TNN: variants seen among roughly 807,000 people sequenced by gnomAD.
TNN encodes tenascin-N.
In TNN, 122 loss-of-function variants were observed where a neutral mutation model predicts 134.4. The ratio of observed to expected loss-of-function variants is 0.91; its 90% CI spans 0.78 to 1.06. The LOEUF (loss-of-function observed/expected upper bound fraction) is 1.06. Ranked by LOEUF, TNN falls within the 50% of genes least tolerant of loss-of-function variation. The pLI is 0.00. For synonymous variants in TNN, 710 were observed against 670.3 expected (o/e 1.06, Z -0.91); for missense variants, 1,739 against 1,699.4 (o/e 1.02, Z -0.41).
chr1:175,120,505 T>G (rs944551383), intron 11 of TNN, among the ~76,000 whole-genome samples: 2 of 152,316 alleles, frequency 1.3e-5, no homozygotes, highest in South Asian at 2.1e-4. Context: ...GACCCAGGCT[T>G]CTTCTGTGAT....
At chr1:175,117,401 C>T (rs1356395072) in intron 10 of TNN, among the ~76,000 whole-genome samples, 196 bp downstream of exon 10, 3 of 152,190 alleles carry the variant, frequency 2.0e-5, no homozygotes, top group Non-Finnish European at 4.4e-5. Context: ...GGCCACAAGG[C>T]AGTCTCCAAG....
At chr1:175,115,615 T>C (rs1296702509) in intron 9 of TNN, among the ~76,000 whole-genome samples, 2 of 151,910 alleles carry the variant, frequency 1.3e-5, no homozygotes, top group East Asian at 3.9e-4. Context: ...GATGAAGGGG[T>C]GAATGGCTAC....
chr1:175,107,067 G>A (rs964710761), intron 9 of TNN, among the ~76,000 whole-genome samples: 10 of 146,330 alleles, frequency 6.8e-5, no homozygotes, highest in Middle Eastern at 3.2e-3. Context: ...TTGTCTCACC[G>A]CTTGGCGATA....
intron 1 of TNN, among the ~76,000 whole-genome samples, chr1:175,073,929 G>A (rs953866690): frequency 5.3e-5 from 8 of 152,094 alleles, no homozygotes; most frequent in African/African-American, 1.9e-4. Context: ...ACCTCAGCTC[G>A]GGCCCTGAAC....
intron 17 of TNN, among the ~76,000 whole-genome samples, chr1:175,143,191 G>C (rs974013970): frequency 1.3e-5 from 2 of 152,178 alleles, no homozygotes; most frequent in Non-Finnish European, 2.9e-5. Context: ...ACGGGACTAA[G>C]AGCTGCCCTG....
chr1:175,090,306 G>A (rs926402716), intron 6 of TNN, among the ~76,000 whole-genome samples: 3 of 152,154 alleles, frequency 2.0e-5, no homozygotes, highest in Non-Finnish European at 4.4e-5. Flanking sequence ...TTCTACAAAC[G>A]ATGCCTTTTG....
intron 15 of TNN, among the ~76,000 whole-genome samples, chr1:175,129,495 C>A (rs942853357): frequency 6.6e-6 from 1 of 151,292 alleles, no homozygotes; most frequent in Admixed American, 6.6e-5. Context: ...CTTGGTTAGA[C>A]TAAGGCTGAT....
In TNN at chr1:175,136,863, G is replaced by A. The variant is rs147711632; in HGVS notation, c.3470G>A (p.Arg1157Gln). 6.2e-6 allele frequency: 10 copies of A among 1,613,994 alleles called. No homozygotes were observed. The highest frequency in any genetic ancestry group is 2.7e-5 in the African/African-American group (2 of 74,910). Residue 1157 changes from arginine (R) to glutamine (Q), a missense_variant, in exon 17 of 19, where the codon CGG becomes CAG. Coordinates refer to ENST00000239462, the MANE Select transcript of TNN (RefSeq NM_022093.2). ...AACCTCACCACCGGCACTCCAGCGC[G>A]GTATGAGGTGAGAGTGGATTTACAG... is the stretch of plus-strand genomic sequence containing the variant. The part of the protein sequence containing the change: ...LHNLTTGTPA[R>Q]YEVRVDLQTA...
intron 4 of TNN, among the ~76,000 whole-genome samples, chr1:175,083,403 C>A (rs1189569148): frequency 6.6e-6 from 1 of 152,200 alleles, no homozygotes; most frequent in Admixed American, 6.5e-5. Context: ...TAGTTCAGGG[C>A]TGTAGCTGTC....
chr1:175,145,068 A>G (rs1676030883), intron 18 of TNN, among the ~76,000 whole-genome samples: 1 of 152,050 alleles, frequency 6.6e-6, no homozygotes, highest in Non-Finnish European at 1.5e-5. Context: ...ATATAGGGGC[A>G]TATGTCCCAT....
chr1:175,088,527 A>T (rs1674370491), intron 6 of TNN, among the ~76,000 whole-genome samples: 2 of 152,162 alleles, frequency 1.3e-5, no homozygotes, highest in Admixed American at 6.5e-5. Context: ...CTGAGGAGGA[A>T]GCATAATGCT....
intron 17 of TNN, among the ~76,000 whole-genome samples, chr1:175,142,957 CTGG>C (rs1425493060): frequency 6.6e-6 from 1 of 152,164 alleles, no homozygotes; most frequent in Non-Finnish European, 1.5e-5. Flanking sequence ...GTGGATGCTG[CTGG>C]TCTGGGAACC....
chr1:175,144,226 G>C (rs754611020), intron 17 of TNN, among the ~76,000 whole-genome samples, 161 bp from the exon 18 acceptor site: 4 of 152,032 alleles, frequency 2.6e-5, no homozygotes, highest in Non-Finnish European at 4.4e-5. Context: ...CATGTGTCAT[G>C]TTCCCATTTG....
intron 1 of TNN, among the ~76,000 whole-genome samples, chr1:175,075,051 A>G (rs1574137817): frequency 6.6e-6 from 1 of 152,236 alleles, no homozygotes; most frequent in Non-Finnish European, 1.5e-5. Flanking sequence ...GGAATAATGC[A>G]CCCAGCCAAT....
At position 175,128,048 on chromosome 1, in the gene TNN, G is replaced by C; in HGVS notation, c.3062G>C (p.Arg1021Pro). The change falls in exon 14 of 19, where the codon CGG (arginine) becomes CCG (proline). Residue 1021 changes from arginine to proline, a missense_variant. Transcript: ENST00000239462. Reference sequence around the variant, plus strand: ...GTTTGGTAGGAGATGCAGCTGGGACGGGAAGACCAGAGGTTTGCGTTGCAA... The same window carrying C: ...GTTTGGTAGGAGATGCAGCTGGGACCGGAAGACCAGAGGTTTGCGTTGCAA... ...DGTVKEMQLG[R>P]EDQRFALQGL... is the part of the protein sequence containing the mutation. The C allele has an allele frequency of 6.2e-7, 1 of 1,614,178 alleles. No homozygotes were observed. The highest frequency in any genetic ancestry group is 8.5e-7 in the Non-Finnish European group (1 of 1,180,020).
At chr1:175,089,372 C>T (rs1674389207) in intron 6 of TNN, among the ~76,000 whole-genome samples, 1 of 152,100 alleles carries the variant, frequency 6.6e-6, no homozygotes, top group Non-Finnish European at 1.5e-5. Flanking sequence ...ACCCTGTTAC[C>T]CAACATGCTC....
chr1:175,137,526 T>C (rs550523728), intron 17 of TNN, among the ~76,000 whole-genome samples: 41 of 152,198 alleles, frequency 2.7e-4, no homozygotes, highest in Middle Eastern at 3.2e-3. Context: ...CAGTGGAAAG[T>C]GAAGGAACCT....
rs1574139080 is a variant in TNN, at chr1:175,077,482, G to A, written c.64G>A (p.Ala22Thr). The change falls in exon 2 of 19, where the codon GCT becomes ACT. Residue 22 changes from alanine to threonine, a missense_variant. Ala to Thr is a moderately conservative substitution (Grantham distance 58). Transcript: ENST00000239462. The part of the protein sequence containing the change: ...GLLLGSVLLV[A>T]SAPATLEPPG... ...CCTGCTTGGCTCTGTGCTCCTGGTG[G>A]CTTCGGCCCCAGCCACTCTGGAGCC... The A allele has an allele frequency of 3.1e-6, 5 of 1,613,874 alleles. No homozygotes were observed. Among genetic ancestry groups the A allele is most frequent in the Non-Finnish European group, 4.2e-6 (5 of 1,180,026 alleles).
chr1:175,097,742 A>G (rs1448361990), intron 8 of TNN, 59 bp downstream of exon 8: 1 of 1,604,532 alleles, frequency 6.2e-7, no homozygotes, highest in Non-Finnish European at 8.5e-7. Context: ...TTGAATAGGT[A>G]TGGTATCAAA....
Sources: gnomAD v4.1 joint callset for allele counts (sites outside exome capture counted in the v4.1 genomes callset) on GRCh38, gnomAD v4.1.1 for gene constraint, MANE v1.5 for transcripts, NCBI Gene and HGNC (gene_info 2026-07-23, HGNC 2026-07-21) for gene names.